The following BAZ2B variants were observed in gnomAD, a reference collection of about 807,000 sequenced individuals.
BAZ2B encodes the protein bromodomain adjacent to zinc finger domain 2B, also known as bromodomain adjacent to zinc finger domain protein 2B.
A neutral mutation model predicts 246.0 loss-of-function variants in BAZ2B; 91 were observed. That is an observed-to-expected ratio of 0.37 (90% CI 0.31 to 0.44). The LOEUF (loss-of-function observed/expected upper bound fraction) is 0.44. Among genes scored for constraint, BAZ2B ranks in the 20% least tolerant of loss-of-function variants. The probability of loss-of-function intolerance (pLI) is 1.00; values close to 1 mark genes in which losing one functional copy is unlikely to be tolerated. For missense variants in BAZ2B, 2,332 were observed against 2,533.7 expected (o/e 0.92, Z 1.71); for synonymous variants, 855 against 860.0 (o/e 0.99, Z 0.10).
At chr2:159,384,853 A>G (rs559726641) in intron 23 of BAZ2B, among the ~76,000 whole-genome samples, 127 of 152,260 alleles carry the variant, frequency 8.3e-4, no homozygotes, top group African/African-American at 2.9e-3. Flanking sequence ...CTGGTACCAT[A>G]GCAACTAAAA....
chr2:159,690,229 A>T, the BAZ2B span: 6 of 416,120 alleles, frequency 1.4e-5, no homozygotes, highest in Non-Finnish European at 2.8e-5. Flanking sequence ...CTTTCACATT[A>T]TATCAATCTT....
At chr2:159,570,423 C>T (rs1326008021) in intron 1 of BAZ2B, among the ~76,000 whole-genome samples, 2 of 152,124 alleles carry the variant, frequency 1.3e-5, no homozygotes, top group South Asian at 2.1e-4. Context: ...CCTCGTGATC[C>T]GCCCGCCTCG....
At chr2:159,527,378 G>A (rs1013411455) in intron 2 of BAZ2B, among the ~76,000 whole-genome samples, 2 of 152,090 alleles carry the variant, frequency 1.3e-5, no homozygotes, top group African/African-American at 4.8e-5. Context: ...CAGTTTTCAA[G>A]TATTTCCTCC....
chr2:159,342,140 T>C (rs543888526), intron 31 of BAZ2B, among the ~76,000 whole-genome samples: 4 of 152,096 alleles, frequency 2.6e-5, no homozygotes, highest in Non-Finnish European at 5.9e-5. Context: ...GATCTCTACA[T>C]GGAAATTGCA....
rs940458879 is a variant in BAZ2B, at chr2:159,373,037, G to A, written c.4213+8C>T. On this transcript the variant is annotated splice_region_variant and intron_variant, in intron 27 of 36. Coordinates refer to ENST00000392783, the MANE Select transcript of BAZ2B (RefSeq NM_013450.4). ...TTTAACAATTTGTATCGGATTATGA[G>A]TTCTAACCTTCACCACTCTCCATGC... 2 of 1,610,730 alleles carry A rather than the reference G, an allele frequency of 1.2e-6. No individual in the cohort carries two copies. Among genetic ancestry groups the A allele is most frequent in the Admixed American group, 1.7e-5 (1 of 59,240 alleles).
At chr2:159,422,669 A>T (rs1254104617) in intron 13 of BAZ2B, among the ~76,000 whole-genome samples, 4 of 152,182 alleles carry the variant, frequency 2.6e-5, no homozygotes, top group Admixed American at 2.6e-4. Context: ...TTGGCAAAGA[A>T]TTTATTACTA....
the BAZ2B span, chr2:159,689,718 A>T: frequency 6.9e-6 from 3 of 432,042 alleles, no homozygotes; most frequent in African/African-American, 4.2e-5. Flanking sequence ...CGATAAATAG[A>T]TTGGCAAGAC....
Position 159,398,825 on chromosome 2 carries a change from T to C in BAZ2B, c.2964+4A>G, listed in dbSNP as rs998969696. On this transcript the variant is annotated splice_donor_region_variant and intron_variant, in intron 18 of 36. Transcript: ENST00000392783. The stretch of plus-strand genomic sequence containing the variant: ...TAAAAACTCTGATTCTCATCTAAAC[T>C]AACCTTTATTCGTTTCTCGGCCTCC... The C allele has an allele frequency of 5.6e-6, 9 of 1,609,660 alleles. No individual in the cohort carries two copies. The African/African-American group carries it at 1.2e-4, about 21-fold the overall frequency.
intron 2 of BAZ2B, 150 bp from the exon 3 acceptor site, chr2:159,478,871 C>T: frequency 1.8e-6 from 1 of 546,580 alleles, no homozygotes; most frequent in Non-Finnish European, 2.8e-6. Context: ...TAGATAAAAA[C>T]AATATAATTT....
At chr2:159,647,383 C>T in the BAZ2B span, among the ~76,000 whole-genome samples, 5 of 152,164 alleles carry the variant, frequency 3.3e-5, no homozygotes, top group African/African-American at 7.2e-5. Context: ...AGGCAGGAGT[C>T]GTTTCCTCTT....
At chr2:159,485,250 C>T (rs532721337) in intron 2 of BAZ2B, among the ~76,000 whole-genome samples, 106 of 152,032 alleles carry the variant, frequency 7.0e-4, no homozygotes, top group Non-Finnish European at 1.3e-3. Flanking sequence ...GAAACAAAAA[C>T]CAGGCAACAA....
chr2:159,327,003 A>G (rs2063806195), intron 34 of BAZ2B, among the ~76,000 whole-genome samples: 1 of 152,046 alleles, frequency 6.6e-6, no homozygotes, highest in Non-Finnish European at 1.5e-5. Flanking sequence ...AAGAAATCCT[A>G]GACTGCAAAG....
chr2:159,618,819 C>T (rs1696316097), upstream of BAZ2B, among the ~76,000 whole-genome samples: 1 of 151,948 alleles, frequency 6.6e-6, no homozygotes, highest in Admixed American at 6.6e-5. Flanking sequence ...AAATATACCT[C>T]GCTTGAAATA....
the BAZ2B span, among the ~76,000 whole-genome samples, chr2:159,668,706 A>G: frequency 6.6e-6 from 1 of 151,902 alleles, no homozygotes; most frequent in Non-Finnish European, 1.5e-5. Flanking sequence ...TTTAGGTTCA[A>G]TTTGCTTTTC....
At chr2:159,464,124 C>T (rs574413481) in intron 3 of BAZ2B, 1 of 152,296 alleles carries the variant, frequency 6.6e-6, no homozygotes, top group East Asian at 1.9e-4. Flanking sequence ...TATCATCTTA[C>T]ATGACTAAAG....
At chr2:159,325,998 A>G in intron 34 of BAZ2B, 80 bp from the exon 35 acceptor site, 1 of 1,207,380 alleles carries the variant, frequency 8.3e-7, no homozygotes, top group Non-Finnish European at 1.1e-6. Flanking sequence ...TGAAAGTCTG[A>G]CAGGACAAAT....
At chr2:159,336,688 G>A (rs1396421850) in intron 33 of BAZ2B, among the ~76,000 whole-genome samples, 1 of 152,154 alleles carries the variant, frequency 6.6e-6, no homozygotes, top group Non-Finnish European at 1.5e-5. Flanking sequence ...GAATGTGGGA[G>A]ACAACTTCAG....
At chr2:159,518,471 A>C (rs776651404) in intron 2 of BAZ2B, among the ~76,000 whole-genome samples, 2 of 152,174 alleles carry the variant, frequency 1.3e-5, no homozygotes, top group Admixed American at 6.5e-5. Flanking sequence ...TGTACTCTGG[A>C]AAGTCCAAGA....
chr2:159,689,162 G>A, the BAZ2B span: 5 of 408,130 alleles, frequency 1.2e-5, no homozygotes, highest in Non-Finnish European at 2.3e-5. Flanking sequence ...AAAAGCGCAC[G>A]TATTTTTCTC....
Sources: gnomAD v4.1 joint callset for allele counts (sites outside exome capture counted in the v4.1 genomes callset) on GRCh38, gnomAD v4.1.1 for gene constraint, MANE v1.5 for transcripts, NCBI Gene and HGNC (gene_info 2026-07-23, HGNC 2026-07-21) for gene names.